BLNK: variants seen among roughly 807,000 people sequenced by gnomAD.
BLNK encodes the protein B cell linker.
In BLNK, 29 loss-of-function variants were observed where a neutral mutation model predicts 73.5. The ratio of observed to expected loss-of-function variants is 0.39; its 90% CI spans 0.29 to 0.54. The LOEUF is 0.54. Among genes scored for constraint, BLNK ranks in the 20% least tolerant of loss-of-function variants. BLNK has a pLI of 0.61. For synonymous variants in BLNK, 176 were observed against 200.8 expected (o/e 0.88, Z 1.04); for missense variants, 460 against 562.8 (o/e 0.82, Z 1.85).
chr10:96,197,936 A>T (rs1454592091), intron 15 of BLNK, among the ~76,000 whole-genome samples: 1 of 151,156 alleles, frequency 6.6e-6, no homozygotes, highest in African/African-American at 2.4e-5. Context: ...AAAGAAAAAG[A>T]AAAAGAAAAA....
intron 16 of BLNK, among the ~76,000 whole-genome samples, chr10:96,196,111 A>C (rs1036028069): frequency 6.6e-6 from 1 of 152,242 alleles, no homozygotes; most frequent in Non-Finnish European, 1.5e-5. Context: ...TTCTGAAGGA[A>C]TCTTGAAAGT....
At chr10:96,195,315 T>C (rs1353429699) in intron 16 of BLNK, among the ~76,000 whole-genome samples, 1 of 152,186 alleles carries the variant, frequency 6.6e-6, no homozygotes, top group Non-Finnish European at 1.5e-5. Flanking sequence ...TCTGGGTATA[T>C]ACCCCCAAAT....
intron 3 of BLNK, chr10:96,238,924 C>T: frequency 5.1e-6 from 2 of 389,748 alleles, no homozygotes; most frequent in Non-Finnish European, 9.1e-6. Flanking sequence ...ATATGATTTA[C>T]ATTCAGATCC....
intron 1 of BLNK, among the ~76,000 whole-genome samples, chr10:96,257,154 G>A (rs1554911404): frequency 6.6e-6 from 1 of 152,196 alleles, no homozygotes; most frequent in Non-Finnish European, 1.5e-5. Context: ...AGAGTGTCAG[G>A]AAAGTAGGTG....
intron 7 of BLNK, chr10:96,216,284 G>A (rs1265320559): frequency 1.9e-5 from 5 of 268,530 alleles, no homozygotes; most frequent in African/African-American, 6.5e-5. Flanking sequence ...TCACTCCTCT[G>A]CAGAAACTGT....
At chr10:96,206,041 G>C (rs782018156) in intron 11 of BLNK, among the ~76,000 whole-genome samples, 143 of 152,300 alleles carry the variant, frequency 9.4e-4, no homozygotes, top group Admixed American at 1.7e-3. Context: ...AGCAGAAAAG[G>C]GGTGATGCCT....
At chr10:96,267,121 G>T (rs555830462) in intron 1 of BLNK, among the ~76,000 whole-genome samples, 2 of 152,172 alleles carry the variant, frequency 1.3e-5, no homozygotes, top group Non-Finnish European at 2.9e-5. Context: ...GAGATAAAAT[G>T]GTAGCCTTTG....
At chr10:96,247,152 C>G in intron 1 of BLNK, 103 bp from the exon 2 acceptor site, 2 of 749,178 alleles carry the variant, frequency 2.7e-6, no homozygotes, top group East Asian at 2.5e-5. Flanking sequence ...AAAACTCTAC[C>G]AAAACAACCT....
intron 1 of BLNK, among the ~76,000 whole-genome samples, chr10:96,247,851 G>A (rs568221942): frequency 2.3e-4 from 35 of 152,274 alleles, no homozygotes; most frequent in African/African-American, 7.2e-4. Flanking sequence ...CATTTACATA[G>A]GATGTAACCA....
At position 96,201,164 on chromosome 10, in the gene BLNK, A is replaced by C. The variant is rs957739482; in HGVS notation, c.935-106T>G. Reference sequence around the variant, plus strand: ...AGGTGCTGCCAGGGACACATCCACCAAAAAAAATCCTTAAGGCAATGGTTC... The same window carrying C: ...AGGTGCTGCCAGGGACACATCCACCCAAAAAAATCCTTAAGGCAATGGTTC... On this transcript the variant is annotated intron_variant, in intron 13 of 16. Transcript: ENST00000224337. The C allele has an allele frequency of 2.6e-5, 25 of 978,496 alleles. No homozygotes were observed. In the African/African-American group the frequency reaches 3.7e-4, roughly 15 times the overall value. The allele number at this position is 978,496 out of a possible 1,614,324, so 60.6% of individuals were successfully genotyped here.
chr10:96,249,187 G>T (rs78172059), intron 1 of BLNK, among the ~76,000 whole-genome samples: 1 of 152,348 alleles, frequency 6.6e-6, no homozygotes, highest in African/African-American at 2.4e-5. Flanking sequence ...CCACAATCCT[G>T]AAAGCAGATT....
chr10:96,215,796 T>C (rs79816410), intron 7 of BLNK: 1 of 175,972 alleles, frequency 5.7e-6, no homozygotes, highest in East Asian at 1.6e-4. Context: ...CCCTACCAGA[T>C]GCAATACACA....
At chr10:96,221,646 G>C (rs1441495958) in intron 6 of BLNK, among the ~76,000 whole-genome samples, 1 of 152,144 alleles carries the variant, frequency 6.6e-6, no homozygotes, top group African/African-American at 2.4e-5. Context: ...GAAATGAAGA[G>C]CCTTACATAA....
chr10:96,228,870 G>C (rs1842382212), intron 4 of BLNK, among the ~76,000 whole-genome samples: 1 of 152,048 alleles, frequency 6.6e-6, no homozygotes, highest in Admixed American at 6.5e-5. Context: ...CTTTCCACTT[G>C]CTCTTTGGCC....
intron 16 of BLNK, among the ~76,000 whole-genome samples, chr10:96,195,760 T>G (rs2083449710): frequency 6.6e-6 from 1 of 152,234 alleles, no homozygotes; most frequent in African/African-American, 2.4e-5. Flanking sequence ...ATTACTGAGC[T>G]GTACACTTAA....
rs782290327 is a variant in BLNK at position 96,209,838 on chromosome 10, C to T, written c.746G>A (p.Gly249Glu). The T allele has an allele frequency of 2.5e-5, 40 of 1,614,082 alleles. No individual in the cohort carries two copies. Among genetic ancestry groups the T allele is most frequent in the Non-Finnish European group, 3.4e-5 (40 of 1,180,036 alleles). Residue 249 changes from glycine (G) to glutamate (E), a missense_variant and splice_region_variant, in exon 9 of 17, where the codon GGG becomes GAG. This residue lies in a region of BLNK where 233 missense variants were observed against 232.1 expected (regional missense o/e 1.00). Transcript: ENST00000224337. ...GCTGCTTCCTGCAACAGGTACTTACCCGGCCCGTGGCAACGGGGATGGTGC... is the reference window on the plus strand; with the variant it reads ...GCTGCTTCCTGCAACAGGTACTTACTCGGCCCGTGGCAACGGGGATGGTGC... ...PAAPSPLPRAGKKPTTPLKTT... is the reference protein window; with the variant it reads ...PAAPSPLPRAEKKPTTPLKTT...
Position 96,189,536 on chromosome 10 carries a change from T to C in BLNK, c.*2437A>G. On this transcript the variant is annotated 3_prime_UTR_variant, in exon 17 of 17. Transcript: ENST00000224337. ...CTACAGAACTAGGCCCTTTTGGTGT[T>C]TTACGAGTTTTTTCCTGTTTTTTGA... 1 of 654,548 alleles carries C rather than the reference T, an allele frequency of 1.5e-6. No individual in the cohort carries two copies. The highest frequency in any genetic ancestry group is 2.8e-6 in the Non-Finnish European group (1 of 352,652). 40.5% of individuals were successfully genotyped at this position (654,548 alleles called of 1,614,324 possible).
At chr10:96,246,136 CTT>C (rs1843035706) in intron 2 of BLNK, among the ~76,000 whole-genome samples, 1 of 151,592 alleles carries the variant, frequency 6.6e-6, no homozygotes, top group African/African-American at 2.4e-5. Flanking sequence ...TTTTTATTCT[CTT>C]TAAAAAAAAA....
intron 5 of BLNK, among the ~76,000 whole-genome samples, chr10:96,225,642 A>ATTT (rs1370370295): frequency 2.2e-5 from 3 of 138,932 alleles, no homozygotes; most frequent in African/African-American, 7.9e-5. Context: ...GAAGAGTGTG[A>ATTT]TTTTTTTTTT....
Sources: allele counts gnomAD v4.1 joint callset (sites outside exome capture counted in the v4.1 genomes callset), GRCh38; gene constraint gnomAD v4.1.1; regional missense constraint gnomAD v4.1.1; transcripts MANE v1.5; gene names NCBI Gene and HGNC (gene_info 2026-07-23, HGNC 2026-07-21).